Variants in RASGEF1A observed in about 807,000 individuals in gnomAD.
The protein encoded by RASGEF1A is ras-GEF domain-containing family member 1A.
RASGEF1A carries 18 observed loss-of-function variants against 56.4 expected under a neutral mutation model. That is an observed-to-expected ratio of 0.32 (90% CI 0.22 to 0.47). RASGEF1A has a LOEUF of 0.47. Among genes scored for constraint, RASGEF1A ranks in the 20% least tolerant of loss-of-function variants. The pLI, the probability that RASGEF1A is intolerant of heterozygous loss-of-function variation, is 1.00. For synonymous variants in RASGEF1A, 245 were observed against 242.6 expected, an observed-to-expected ratio of 1.01 and a Z score of -0.09; for missense variants, 422 against 627.1, an observed-to-expected ratio of 0.67 and a Z score of 3.49.
chr10:43,230,664 GAGC>G (rs1487780452), intron 1 of RASGEF1A, among the ~76,000 whole-genome samples: 2 of 152,262 alleles, frequency 1.3e-5, no homozygotes, highest in Admixed American at 6.5e-5. Context: ...CAACTCTGGA[GAGC>G]TCTCAAGCCA....
At chr10:43,235,192 G>A (rs978918660) in intron 1 of RASGEF1A, among the ~76,000 whole-genome samples, 19 of 152,214 alleles carry the variant, frequency 1.2e-4, no homozygotes, top group Non-Finnish European at 1.6e-4. Context: ...GTGAATGGGA[G>A]TCAGCTGAGC....
intron 1 of RASGEF1A, among the ~76,000 whole-genome samples, chr10:43,263,940 C>T (rs1486990065): frequency 1.3e-5 from 2 of 152,160 alleles, no homozygotes; most frequent in African/African-American, 4.8e-5. Context: ...CGCTTGAGTC[C>T]TCACACCTGT....
chr10:43,207,385 C>T, intron 1 of RASGEF1A: 1 of 977,162 alleles, frequency 1.0e-6, no homozygotes. Context: ...CCACACCCCC[C>T]ACGTCAACAC....
At chr10:43,237,192 A>AG (rs1791135570) in intron 1 of RASGEF1A, among the ~76,000 whole-genome samples, 1 of 151,358 alleles carries the variant, frequency 6.6e-6, no homozygotes, top group South Asian at 2.1e-4. Context: ...TGGCCTTGTG[A>AG]GGGGGTCTTG....
intron 1 of RASGEF1A, among the ~76,000 whole-genome samples, chr10:43,249,441 C>T (rs1007786432): frequency 6.6e-5 from 10 of 152,258 alleles, no homozygotes; most frequent in African/African-American, 2.4e-4. Flanking sequence ...TTCTGTTGGC[C>T]TCAGCTTCTG....
intron 1 of RASGEF1A, among the ~76,000 whole-genome samples, chr10:43,239,531 A>G (rs1840477722): frequency 6.6e-6 from 1 of 152,266 alleles, no homozygotes; most frequent in Admixed American, 6.5e-5. Flanking sequence ...ATTTATTCAA[A>G]AAACATAACT....
intron 1 of RASGEF1A, among the ~76,000 whole-genome samples, chr10:43,243,707 C>A (rs1170693856): frequency 6.6e-6 from 1 of 150,566 alleles, no homozygotes; most frequent in Non-Finnish European, 1.5e-5. Context: ...CTCTGCCCAG[C>A]CGCCCCATCT....
At chr10:43,242,897 G>C (rs1201627750) in intron 1 of RASGEF1A, among the ~76,000 whole-genome samples, 1 of 152,196 alleles carries the variant, frequency 6.6e-6, no homozygotes, top group East Asian at 1.9e-4. Context: ...CCACCTCCCA[G>C]CCGCCTGCCT....
At chr10:43,258,898 T>C (rs1564545274) in intron 1 of RASGEF1A, among the ~76,000 whole-genome samples, 1 of 151,786 alleles carries the variant, frequency 6.6e-6, no homozygotes, top group Non-Finnish European at 1.5e-5. Context: ...GGGGCCAGAG[T>C]GGAGAGAAGG....
rs866578234 is a variant in RASGEF1A at position 43,232,693 on chromosome 10, G to A, written c.-6-26571C>T. On this transcript the variant is annotated intron_variant, in intron 1 of 12. Transcript: ENST00000395810. ...GTAGAGACAGGGTTTCACCGTGTTG[G>A]CCAGGCTGATCTCAAACTTCCTGAC... Among the ~76,000 whole-genome samples, 9 of 152,044 alleles carry A rather than the reference G, an allele frequency of 5.9e-5. No individual in the cohort carries two copies. In the South Asian group the frequency reaches 1.2e-3, roughly 21 times the overall value.
intron 1 of RASGEF1A, among the ~76,000 whole-genome samples, 169 bp downstream of exon 1, chr10:43,266,676 G>A (rs1403344309): frequency 6.8e-6 from 1 of 146,374 alleles, no homozygotes; most frequent in Admixed American, 6.8e-5. Context: ...CTCCCCGCGC[G>A]CGTCCCCCGC....
intron 1 of RASGEF1A, among the ~76,000 whole-genome samples, chr10:43,256,382 C>T (rs1053987020): frequency 6.6e-6 from 1 of 152,114 alleles, no homozygotes; most frequent in African/African-American, 2.4e-5. Flanking sequence ...AGAGATGGGA[C>T]AAGGGCTGAG....
At chr10:43,265,177 C>T (rs1442653581) in intron 1 of RASGEF1A, among the ~76,000 whole-genome samples, 1 of 152,208 alleles carries the variant, frequency 6.6e-6, no homozygotes, top group African/African-American at 2.4e-5. Context: ...CTAAGTTACA[C>T]CAAAAAACCC....
chr10:43,228,995 G>A (rs1840320856), intron 1 of RASGEF1A, among the ~76,000 whole-genome samples: 2 of 152,204 alleles, frequency 1.3e-5, no homozygotes, highest in Non-Finnish European at 1.5e-5. Context: ...GAATCACACC[G>A]CCTTACGCCT....
chr10:43,239,830 T>C (rs1264064661), intron 1 of RASGEF1A, among the ~76,000 whole-genome samples: 1 of 152,240 alleles, frequency 6.6e-6, no homozygotes, highest in Non-Finnish European at 1.5e-5. Context: ...TTCCCCAAGG[T>C]TCATTGTCAA....
At chr10:43,207,964 G>C (rs940307453) in intron 1 of RASGEF1A, 1 of 877,728 alleles carries the variant, frequency 1.1e-6, no homozygotes. Context: ...CTAGACTGTT[G>C]ACCCACAAAG....
intron 2 of RASGEF1A, 33 bp downstream of exon 2, chr10:43,205,886 T>G: frequency 6.4e-7 from 1 of 1,551,554 alleles, no homozygotes; most frequent in Non-Finnish European, 8.9e-7. Flanking sequence ...GGTCACCCCA[T>G]TAGTCTCACT....
chr10:43,225,216 A>T (rs1284211565), intron 1 of RASGEF1A, among the ~76,000 whole-genome samples: 1 of 54,718 alleles, frequency 1.8e-5, no homozygotes, highest in African/African-American at 7.4e-5. Context: ...ATGTGCCTGC[A>T]TGTGTCTGTG....
At chr10:43,233,921 C>T (rs1048142431) in intron 1 of RASGEF1A, among the ~76,000 whole-genome samples, 2 of 152,184 alleles carry the variant, frequency 1.3e-5, no homozygotes, top group African/African-American at 4.8e-5. Context: ...CAATGGAACG[C>T]TCCAGGCCGA....
Sources: gnomAD v4.1 joint callset for allele counts (sites outside exome capture counted in the v4.1 genomes callset) on GRCh38, gnomAD v4.1.1 for gene constraint, MANE v1.5 for transcripts, NCBI Gene and HGNC (gene_info 2026-07-23, HGNC 2026-07-21) for gene names.